Variants in RERE observed in about 807,000 individuals in gnomAD.
The protein encoded by RERE is arginine-glutamic acid dipeptide repeats protein.
In RERE, 40 loss-of-function variants were observed where a neutral mutation model predicts 146.1. The observed-to-expected ratio is 0.27, with a 90% CI of 0.21 to 0.36. The LOEUF is 0.36. Ranked by LOEUF, RERE falls within the 10% of genes least tolerant of loss-of-function variation. RERE has a pLI of 1.00. For missense variants in RERE, 1,933 were observed against 2,138.7 expected, an observed-to-expected ratio of 0.90 and a Z score of 1.90; for synonymous variants, 1,003 against 866.0, an observed-to-expected ratio of 1.16 and a Z score of -2.78.
chr1:8,633,378 G>A (rs1321833811), intron 2 of RERE, among the ~76,000 whole-genome samples: 2 of 147,726 alleles, frequency 1.4e-5, no homozygotes, highest in Admixed American at 6.6e-5. Context: ...AGCTATAATA[G>A]CACCACTGCG....
chr1:8,701,193 T>C (rs746671335), intron 1 of RERE, among the ~76,000 whole-genome samples: 118 of 152,014 alleles, frequency 7.8e-4, no homozygotes, highest in Non-Finnish European at 1.3e-3. Context: ...GATACGTTGA[T>C]GGGGTTTACC....
At position 8,501,919 on chromosome 1, in the gene RERE, C is replaced by T. The variant is rs1316060309; in HGVS notation, c.880-4390G>A. Among the ~76,000 whole-genome samples, 15 of 100,638 alleles carry T rather than the reference C, an allele frequency of 1.5e-4. No homozygotes were observed. In the East Asian group the frequency reaches 4.5e-3, roughly 30 times the overall value. The allele number at this position is 100,638 out of a possible 152,430, so 66.0% of individuals were successfully genotyped here. ...TCAGCCCCCCGCCCGGCCAGCCGCC[C>T]CGTCCGGGAGGGAGGTGGGGGGGAT... On this transcript the variant is annotated intron_variant, in intron 8 of 22. Coordinates refer to ENST00000400908, the MANE Select transcript of RERE (RefSeq NM_001042681.2).
At position 8,716,606 on chromosome 1, in the gene RERE, TAAAC is replaced by T. The variant is rs371961649; in HGVS notation, c.-144-60169_-144-60166del. 6.0e-4 allele frequency among the ~76,000 whole-genome samples: 91 copies of T among 151,014 alleles called. 1 individual carries two copies. The South Asian group carries it at 6.7e-3, about 11-fold the overall frequency. The stretch of plus-strand genomic sequence containing the variant: ...TCAAGGATGGGAGGAACTACTAAAA[TAAAC>T]AAACAAAAAAAAATAAACAGTACAC... On this transcript the variant is annotated intron_variant, in intron 1 of 22. Coordinates refer to ENST00000400908, the MANE Select transcript of RERE (RefSeq NM_001042681.2).
intron 1 of RERE, among the ~76,000 whole-genome samples, chr1:8,690,134 C>T (rs1007174634): frequency 1.3e-5 from 2 of 152,194 alleles, no homozygotes; most frequent in Non-Finnish European, 2.9e-5. Context: ...AAAAATTTAT[C>T]GCTTGCAGTT....
At chr1:8,632,769 T>C (rs543121893) in intron 2 of RERE, among the ~76,000 whole-genome samples, 100 of 152,366 alleles carry the variant, frequency 6.6e-4, no homozygotes, top group African/African-American at 2.3e-3. Context: ...TTAAGACTAA[T>C]GTACATATTC....
chr1:8,647,552 T>A (rs1647375533), intron 2 of RERE, among the ~76,000 whole-genome samples: 1 of 152,176 alleles, frequency 6.6e-6, no homozygotes, highest in South Asian at 2.1e-4. Context: ...TTCATTTGCA[T>A]GTCACATCTA....
chr1:8,381,359 C>T lies in RERE; in HGVS notation c.1285-15385G>A, dbSNP rs1301132400. Reference sequence around the variant, plus strand: ...GAGTGCCTGACACAAGATGGGTGCTCGGGAAACGCTAACTTGAACTGAGAT... The same window carrying T: ...GAGTGCCTGACACAAGATGGGTGCTTGGGAAACGCTAACTTGAACTGAGAT... On this transcript the variant is annotated intron_variant, in intron 12 of 22. Transcript: ENST00000400908. Among the ~76,000 whole-genome samples the T allele has an allele frequency of 5.3e-5, 8 of 151,956 alleles. No homozygotes were observed. The South Asian group carries it at 8.3e-4, about 16-fold the overall frequency.
In RERE at chr1:8,726,147, C is replaced by CTTTTCTTTTTTT. The variant is rs1639960710; in HGVS notation, c.-144-69707_-144-69706insAAAAAAAGAAAA. 1.4e-3 allele frequency among the ~76,000 whole-genome samples: 97 copies of CTTTTCTTTTTTT among 69,402 alleles called. 6 individuals carry two copies. Among genetic ancestry groups the CTTTTCTTTTTTT allele is most frequent in the African/African-American group, 6.1e-3 (93 of 15,346 alleles). The allele number at this position is 69,402 out of a possible 152,430, so 45.5% of individuals were successfully genotyped here. On this transcript the variant is annotated intron_variant, in intron 1 of 22. Coordinates refer to ENST00000400908, the MANE Select transcript of RERE (RefSeq NM_001042681.2). ...AATTCCAGTTTTCCTTTTTTCTTTT[C>CTTTTCTTTTTTT]TTTTTTTTTTTTTTTTTTTTTTTTT...
chr1:8,412,177 C>A (rs145470736), intron 12 of RERE, among the ~76,000 whole-genome samples: 111 of 152,190 alleles, frequency 7.3e-4, no homozygotes, highest in Non-Finnish European at 1.1e-3. Context: ...AAACAACAAT[C>A]AAAAAAATCC....
chr1:8,557,409 C>A lies in RERE; in HGVS notation c.628+9G>T. 6.6e-7 allele frequency: 1 copy of A among 1,510,834 alleles called. No homozygotes were observed. Among genetic ancestry groups the A allele is most frequent in the South Asian group, 1.1e-5 (1 of 88,822 alleles). The allele number at this position is 1,510,834 out of a possible 1,614,324, so 93.6% of individuals were successfully genotyped here. A position where few individuals can be genotyped will look rare whatever the true frequency, so the allele number is the denominator to read the frequency against. ...AAACACACAAATCAAACCACAAGGA[C>A]ATATTTACCATTTTCATTATGTCGA... On this transcript the variant is annotated intron_variant, in intron 5 of 22. Coordinates refer to ENST00000400908, the MANE Select transcript of RERE (RefSeq NM_001042681.2).
At chr1:8,724,509 A>T (rs1639920388) in intron 1 of RERE, among the ~76,000 whole-genome samples, 1 of 152,206 alleles carries the variant, frequency 6.6e-6, no homozygotes, top group African/African-American at 2.4e-5. Flanking sequence ...TTGTAAACTC[A>T]AAGATTTAGT....
chr1:8,422,874 A>G (rs1227082548), intron 11 of RERE, 67 bp from the exon 12 acceptor site: 8 of 1,133,668 alleles, frequency 7.1e-6, no homozygotes, highest in African/African-American at 4.6e-5. Flanking sequence ...CAAAGCAAAG[A>G]TATCTACAAT....
chr1:8,625,614 C>T (rs1646965207), intron 2 of RERE, among the ~76,000 whole-genome samples: 1 of 152,162 alleles, frequency 6.6e-6, no homozygotes, highest in Admixed American at 6.5e-5. Flanking sequence ...CCCATAATGC[C>T]ATTCATTTTA....
intron 1 of RERE, among the ~76,000 whole-genome samples, chr1:8,798,079 C>A (rs910407457): frequency 6.6e-6 from 1 of 152,132 alleles, no homozygotes; most frequent in Non-Finnish European, 1.5e-5. Flanking sequence ...GGAAACATAG[C>A]AAGACCCCAT....
At chr1:8,626,502 AG>A in intron 2 of RERE, among the ~76,000 whole-genome samples, 1 of 152,202 alleles carries the variant, frequency 6.6e-6, no homozygotes, top group Non-Finnish European at 1.5e-5. Flanking sequence ...TCCAACCCAA[AG>A]GGCATCAGCC....
chr1:8,447,198 C>A (rs896556399), intron 11 of RERE, among the ~76,000 whole-genome samples: 1 of 151,552 alleles, frequency 6.6e-6, no homozygotes, highest in Non-Finnish European at 1.5e-5. Flanking sequence ...TTCCTCTAAC[C>A]TTTTTTCAAG....
intron 2 of RERE, among the ~76,000 whole-genome samples, chr1:8,650,726 G>A (rs953673562): frequency 6.6e-6 from 1 of 151,978 alleles, no homozygotes; most frequent in African/African-American, 2.4e-5. Context: ...GTGAAACCCC[G>A]TCTCTACTAA....
intron 1 of RERE, among the ~76,000 whole-genome samples, chr1:8,809,799 TAATA>T (rs1374227476): frequency 3.3e-5 from 5 of 152,230 alleles, no homozygotes; most frequent in Non-Finnish European, 7.3e-5. Context: ...ATGTATAATC[TAATA>T]AAGAGAACAT....
chr1:8,817,451 G>A lies in RERE; in HGVS notation c.-436C>T, dbSNP rs962424696. ...TCCGAGGGCGAGGGGGCTCCCTGAG[G>A]ATGATGGTGATTTTTTTTTTTTTTT... On this transcript the variant is annotated 5_prime_UTR_variant, in exon 1 of 23. Transcript: ENST00000400908. 2 of 129,178 alleles carry A rather than the reference G, an allele frequency of 1.5e-5. No homozygotes were observed. Among genetic ancestry groups the A allele is most frequent in the African/African-American group, 3.0e-5 (1 of 33,464 alleles). The allele number at this position is 129,178 out of a possible 1,614,324, so 8.0% of individuals were successfully genotyped here.
Sources: gnomAD v4.1 joint callset for allele counts (sites outside exome capture counted in the v4.1 genomes callset) on GRCh38, gnomAD v4.1.1 for gene constraint, MANE v1.5 for transcripts, NCBI Gene and HGNC (gene_info 2026-07-23, HGNC 2026-07-21) for gene names.